RPS6KC1: variants seen among roughly 807,000 people sequenced by gnomAD.
RPS6KC1 encodes ribosomal protein S6 kinase C1.
A neutral mutation model predicts 103.8 loss-of-function variants in RPS6KC1; 54 were observed. The observed-to-expected ratio is 0.52, with a 90% CI of 0.42 to 0.65. The LOEUF is 0.65. RPS6KC1 is among the 30% of genes least tolerant of loss of function. The probability of loss-of-function intolerance (pLI) is 0.00; values close to 1 mark genes in which losing one functional copy is unlikely to be tolerated. For missense variants in RPS6KC1, 1,151 were observed against 1,253.8 expected (o/e 0.92, Z 1.24); for synonymous variants, 439 against 438.7 (o/e 1.00, Z -0.01).
At chr1:213,727,434 A>T in the RPS6KC1 span, among the ~76,000 whole-genome samples, 1 of 152,216 alleles carries the variant, frequency 6.6e-6, no homozygotes, top group Non-Finnish European at 1.5e-5. Flanking sequence ...GTGGATTTCC[A>T]TTTGCAGGTA....
chr1:213,750,771 C>A, the RPS6KC1 span, among the ~76,000 whole-genome samples: 1 of 152,196 alleles, frequency 6.6e-6, no homozygotes, highest in Non-Finnish European at 1.5e-5. Context: ...ATTTCATCAA[C>A]ACTTACACCC....
At chr1:213,424,753 C>T in the RPS6KC1 span, among the ~76,000 whole-genome samples, 1 of 152,264 alleles carries the variant, frequency 6.6e-6, no homozygotes, top group African/African-American at 2.4e-5. Context: ...CCAAAATAAA[C>T]CAAGTCCTTT....
At chr1:213,507,079 T>C in the RPS6KC1 span, among the ~76,000 whole-genome samples, 394 of 152,322 alleles carry the variant, frequency 2.6e-3, 1 homozygote, top group African/African-American at 8.9e-3. Context: ...CCCTAGTAAA[T>C]TGATAAATCA....
At chr1:213,205,348 C>A (rs1448606081) in intron 8 of RPS6KC1, 1 of 984,448 alleles carries the variant, frequency 1.0e-6, no homozygotes, top group Non-Finnish European at 1.2e-6. Flanking sequence ...TTTTAAGAGT[C>A]CCATGGAACA....
At chr1:213,295,040 A>G in the RPS6KC1 span, among the ~76,000 whole-genome samples, 1 of 151,900 alleles carries the variant, frequency 6.6e-6, no homozygotes, top group South Asian at 2.1e-4. Context: ...GAGCAAAAGC[A>G]CTCCATATCT....
the RPS6KC1 span, among the ~76,000 whole-genome samples, chr1:213,844,580 T>C: frequency 6.6e-6 from 1 of 152,220 alleles, no homozygotes; most frequent in African/African-American, 2.4e-5. Flanking sequence ...TTATTAACTA[T>C]GTAAGCCCTG....
At chr1:213,578,836 T>C in the RPS6KC1 span, among the ~76,000 whole-genome samples, 14 of 152,188 alleles carry the variant, frequency 9.2e-5, no homozygotes, top group African/African-American at 3.4e-4. Context: ...TGTGGACTTT[T>C]GAGTTAATGC....
At chr1:213,758,013 A>C in the RPS6KC1 span, among the ~76,000 whole-genome samples, 1 of 152,198 alleles carries the variant, frequency 6.6e-6, no homozygotes, top group Non-Finnish European at 1.5e-5. Flanking sequence ...TTAGAATAAA[A>C]TATTTTTAAT....
At chr1:213,396,905 G>A in the RPS6KC1 span, among the ~76,000 whole-genome samples, 18 of 152,280 alleles carry the variant, frequency 1.2e-4, no homozygotes, top group African/African-American at 1.7e-4. Context: ...CATGGCCAAC[G>A]TAGGCACAGG....
the RPS6KC1 span, among the ~76,000 whole-genome samples, chr1:213,720,107 A>G: frequency 1.3e-5 from 2 of 152,318 alleles, no homozygotes; most frequent in African/African-American, 4.8e-5. Flanking sequence ...TATGATCCTC[A>G]GGGTGGATCA....
chr1:213,753,328 C>G, the RPS6KC1 span, among the ~76,000 whole-genome samples: 1 of 152,160 alleles, frequency 6.6e-6, no homozygotes, highest in Non-Finnish European at 1.5e-5. Context: ...GTATAGGATA[C>G]AGTGGGCAGT....
the RPS6KC1 span, among the ~76,000 whole-genome samples, chr1:213,750,248 C>T: frequency 6.6e-6 from 1 of 152,192 alleles, no homozygotes; most frequent in Admixed American, 6.5e-5. Flanking sequence ...CCCTGAAGGG[C>T]AATGCTTTAA....
chr1:213,743,630 A>C, the RPS6KC1 span, among the ~76,000 whole-genome samples: 1 of 152,226 alleles, frequency 6.6e-6, no homozygotes, highest in Admixed American at 6.5e-5. Context: ...AGACACTCCA[A>C]ACACAACTTG....
the RPS6KC1 span, among the ~76,000 whole-genome samples, chr1:213,582,835 G>C: frequency 2.0e-5 from 3 of 152,026 alleles, no homozygotes; most frequent in African/African-American, 4.8e-5. Context: ...ACAAATGTAT[G>C]CACTTTTGTA....
At chr1:213,749,367 G>T in the RPS6KC1 span, among the ~76,000 whole-genome samples, 1 of 152,162 alleles carries the variant, frequency 6.6e-6, no homozygotes, top group African/African-American at 2.4e-5. Context: ...TTAATCCATA[G>T]AAAGTGAAGA....
the RPS6KC1 span, among the ~76,000 whole-genome samples, chr1:213,797,306 G>A: frequency 6.6e-6 from 1 of 152,068 alleles, no homozygotes; most frequent in African/African-American, 2.4e-5. Flanking sequence ...TCTTTCCATG[G>A]TAAAGAATAT....
chr1:213,094,304 A>G (rs918965762), intron 3 of RPS6KC1, among the ~76,000 whole-genome samples: 16 of 151,880 alleles, frequency 1.1e-4, no homozygotes, highest in African/African-American at 2.9e-4. Flanking sequence ...TATTGCACCT[A>G]TGAAATTTAA....
chr1:213,741,815 G>T, the RPS6KC1 span, among the ~76,000 whole-genome samples: 1 of 152,118 alleles, frequency 6.6e-6, no homozygotes, highest in Non-Finnish European at 1.5e-5. Flanking sequence ...GGAGGTTTCT[G>T]CATGACCCGA....
chr1:213,328,126 G>A, the RPS6KC1 span, among the ~76,000 whole-genome samples: 1 of 152,194 alleles, frequency 6.6e-6, no homozygotes, highest in South Asian at 2.1e-4. Flanking sequence ...AGGATTGCCT[G>A]TATGTTTCAA....
Sources: allele counts gnomAD v4.1 joint callset (sites outside exome capture counted in the v4.1 genomes callset), GRCh38; gene constraint gnomAD v4.1.1; transcripts MANE v1.5; gene names NCBI Gene and HGNC (gene_info 2026-07-23, HGNC 2026-07-21).